GPR158: variants seen among roughly 807,000 people sequenced by gnomAD.
GPR158 encodes G protein-coupled receptor 158, also known as metabotropic glycine receptor.
Under a neutral mutation model 78.2 loss-of-function variants are expected in GPR158, and 30 were observed. That is an observed-to-expected ratio of 0.38 (90% CI 0.29 to 0.52). The LOEUF (loss-of-function observed/expected upper bound fraction) is 0.52. GPR158 is among the 20% of genes least tolerant of loss of function. The pLI, the probability that GPR158 is intolerant of heterozygous loss-of-function variation, is 0.83. For missense variants in GPR158, 1,463 were observed against 1,523.5 expected (o/e 0.96, Z 0.66); for synonymous variants, 581 against 591.1 (o/e 0.98, Z 0.25).
At chr10:25,538,319 CA>C (rs1836527629) in intron 5 of GPR158, among the ~76,000 whole-genome samples, 1 of 152,108 alleles carries the variant, frequency 6.6e-6, no homozygotes, top group Non-Finnish European at 1.5e-5. Flanking sequence ...AGGGAACAGA[CA>C]TTCCAGGATA....
chr10:25,350,769 C>A (rs1320827793), intron 2 of GPR158, among the ~76,000 whole-genome samples: 1 of 151,912 alleles, frequency 6.6e-6, no homozygotes, highest in Admixed American at 6.6e-5. Context: ...GTTGGTGACC[C>A]CTCCTCCTTT....
chr10:25,470,870 C>G (rs1009423349), intron 5 of GPR158, among the ~76,000 whole-genome samples: 14 of 151,958 alleles, frequency 9.2e-5, no homozygotes, highest in African/African-American at 2.7e-4. Flanking sequence ...TTTTTTGAAC[C>G]TCTGCTATTT....
intron 2 of GPR158, among the ~76,000 whole-genome samples, chr10:25,260,126 G>A (rs558250711): frequency 5.8e-4 from 89 of 152,170 alleles, no homozygotes; most frequent in Middle Eastern, 3.4e-3. Context: ...TAAAGAACGA[G>A]GTAACTGTTT....
intron 2 of GPR158, among the ~76,000 whole-genome samples, chr10:25,371,764 C>T (rs1833996652): frequency 7.4e-6 from 1 of 135,006 alleles, no homozygotes; most frequent in Non-Finnish European, 1.6e-5. Flanking sequence ...TAGAAGAAAA[C>T]CTAGGCATTA....
chr10:25,433,701 T>TC (rs1302193659), intron 4 of GPR158, among the ~76,000 whole-genome samples: 2 of 144,282 alleles, frequency 1.4e-5, no homozygotes, highest in East Asian at 3.9e-4. Context: ...TTTCTTTTTT[T>TC]TTTTTTTTTT....
At chr10:25,583,657 A>T (rs1450408566) in intron 7 of GPR158, among the ~76,000 whole-genome samples, 7 of 150,630 alleles carry the variant, frequency 4.6e-5, no homozygotes, top group Admixed American at 6.6e-5. Context: ...AATTGTAAAT[A>T]TTTTTTTTTT....
intron 3 of GPR158, among the ~76,000 whole-genome samples, chr10:25,406,015 G>A (rs1055438278): frequency 9.2e-5 from 14 of 152,082 alleles, no homozygotes; most frequent in Admixed American, 8.5e-4. Context: ...ACTTTGGAAC[G>A]TGGAAGCTAT....
intron 5 of GPR158, among the ~76,000 whole-genome samples, chr10:25,538,012 A>C (rs1246502706): frequency 6.6e-6 from 1 of 152,198 alleles, no homozygotes; most frequent in Non-Finnish European, 1.5e-5. Context: ...AGAACAGACT[A>C]ATACACTGTC....
chr10:25,323,804 C>A (rs1257538479), intron 2 of GPR158, among the ~76,000 whole-genome samples: 3 of 152,150 alleles, frequency 2.0e-5, no homozygotes, highest in African/African-American at 7.2e-5. Flanking sequence ...AGGCTTCAGC[C>A]ACTGTACCTG....
chr10:25,578,530 C>T (rs1837137397), intron 7 of GPR158, among the ~76,000 whole-genome samples: 1 of 152,044 alleles, frequency 6.6e-6, no homozygotes, highest in Non-Finnish European at 1.5e-5. Flanking sequence ...TAATTGCTGG[C>T]CATTTTATGA....
chr10:25,213,544 T>G (rs1251997002), intron 1 of GPR158, among the ~76,000 whole-genome samples: 1 of 152,138 alleles, frequency 6.6e-6, no homozygotes, highest in Non-Finnish European at 1.5e-5. Context: ...GACTCTTAAA[T>G]CTACATGCAT....
At chr10:25,249,773 C>T (rs947918459) in intron 2 of GPR158, among the ~76,000 whole-genome samples, 1 of 152,072 alleles carries the variant, frequency 6.6e-6, no homozygotes, top group Non-Finnish European at 1.5e-5. Flanking sequence ...CTAAAATTCT[C>T]TTTTTTTGTT....
chr10:25,442,868 C>T (rs569459637), intron 4 of GPR158, among the ~76,000 whole-genome samples: 1 of 152,072 alleles, frequency 6.6e-6, no homozygotes, highest in African/African-American at 2.4e-5. Flanking sequence ...CACCCAACAT[C>T]CTCCTTCAAT....
chr10:25,550,922 G>T, intron 5 of GPR158, 54 bp from the exon 6 acceptor site: 1 of 863,916 alleles, frequency 1.2e-6, no homozygotes, highest in Non-Finnish European at 2.0e-6. Context: ...TATTGACTTG[G>T]GTCTGTGGGT....
At chr10:25,495,353 C>A (rs2130651964) in intron 5 of GPR158, among the ~76,000 whole-genome samples, 1 of 123,980 alleles carries the variant, frequency 8.1e-6, no homozygotes, top group South Asian at 2.7e-4. Context: ...GCTGGAGTGG[C>A]ACGATCTTGG....
intron 2 of GPR158, among the ~76,000 whole-genome samples, chr10:25,389,469 ACT>A (rs1834265148): frequency 6.6e-6 from 1 of 152,004 alleles, no homozygotes; most frequent in South Asian, 2.1e-4. Flanking sequence ...TCGTTGGAAC[ACT>A]CTGGCTACAG....
chr10:25,458,980 T>G (rs1442041537), intron 4 of GPR158, among the ~76,000 whole-genome samples: 2 of 152,204 alleles, frequency 1.3e-5, no homozygotes, highest in Non-Finnish European at 2.9e-5. Flanking sequence ...TTTTAAATAT[T>G]TTATCACAGA....
chr10:25,374,646 A>G (rs1215129596), intron 2 of GPR158, among the ~76,000 whole-genome samples: 2 of 151,730 alleles, frequency 1.3e-5, no homozygotes, highest in African/African-American at 4.8e-5. Flanking sequence ...TCTAAATGGA[A>G]TCATGTAATA....
At chr10:25,431,886 A>C (rs942461733) in intron 4 of GPR158, among the ~76,000 whole-genome samples, 3 of 152,120 alleles carry the variant, frequency 2.0e-5, no homozygotes, top group Admixed American at 6.6e-5. Flanking sequence ...TAGCTTTAGG[A>C]GATATACCTA....
Sources: allele counts gnomAD v4.1 joint callset (sites outside exome capture counted in the v4.1 genomes callset), GRCh38; gene constraint gnomAD v4.1.1; transcripts MANE v1.5; gene names NCBI Gene and HGNC (gene_info 2026-07-23, HGNC 2026-07-21).